The following RIT2 variants were observed in gnomAD, a reference collection of about 807,000 sequenced individuals.
RIT2 encodes GTP-binding protein Rit2.
In RIT2, 24 loss-of-function variants were observed where a neutral mutation model predicts 23.7. The ratio of observed to expected loss-of-function variants is 1.01; its 90% CI spans 0.73 to 1.43. The LOEUF is 1.43. Among genes scored for constraint, RIT2 ranks in the 40% most tolerant of loss-of-function variants. The probability of loss-of-function intolerance (pLI) is 0.00; values close to 1 mark genes in which losing one functional copy is unlikely to be tolerated. For synonymous variants in RIT2, 107 were observed against 91.1 expected, an observed-to-expected ratio of 1.17 and a Z score of -0.99; for missense variants, 236 against 266.9, an observed-to-expected ratio of 0.88 and a Z score of 0.81.
intron 4 of RIT2, among the ~76,000 whole-genome samples, chr18:42,814,800 C>G (rs193143541): frequency 1.3e-5 from 2 of 152,122 alleles, no homozygotes; most frequent in South Asian, 4.1e-4. Context: ...AGCTAAGAAC[C>G]CTTACAGAGT....
At chr18:42,780,507 G>A (rs927629797) in intron 4 of RIT2, among the ~76,000 whole-genome samples, 2 of 152,070 alleles carry the variant, frequency 1.3e-5, no homozygotes, top group African/African-American at 4.8e-5. Flanking sequence ...GTAAGAGAAG[G>A]AGATTCTCTA....
At chr18:42,891,118 A>C (rs1002102249) in intron 4 of RIT2, among the ~76,000 whole-genome samples, 1 of 152,290 alleles carries the variant, frequency 6.6e-6, no homozygotes, top group African/African-American at 2.4e-5. Context: ...CTGTTTGTTG[A>C]AATCCAGAAT....
intron 4 of RIT2, among the ~76,000 whole-genome samples, chr18:42,849,288 C>T (rs961494464): frequency 3.3e-5 from 5 of 152,164 alleles, no homozygotes; most frequent in African/African-American, 9.7e-5. Context: ...TATTATATAC[C>T]ACCTAAATCT....
chr18:42,802,064 A>G (rs1905554275), intron 4 of RIT2, among the ~76,000 whole-genome samples: 1 of 152,238 alleles, frequency 6.6e-6, no homozygotes, highest in Admixed American at 6.5e-5. Context: ...CATGAAAACA[A>G]TGCAAGAAAC....
chr18:42,810,498 G>T (rs891461690), intron 4 of RIT2, among the ~76,000 whole-genome samples: 2 of 150,598 alleles, frequency 1.3e-5, no homozygotes, highest in Non-Finnish European at 3.0e-5. Flanking sequence ...CCTAATTAAC[G>T]TAATCAGCAC....
chr18:43,013,276 A>AT (rs533000566), intron 2 of RIT2, among the ~76,000 whole-genome samples: 19 of 151,754 alleles, frequency 1.3e-4, no homozygotes, highest in African/African-American at 3.4e-4. Context: ...ACAATGGTTT[A>AT]TTTTTTTTAA....
chr18:43,017,343 G>A (rs1023204473), intron 2 of RIT2, among the ~76,000 whole-genome samples: 2 of 150,796 alleles, frequency 1.3e-5, no homozygotes, highest in Non-Finnish European at 1.5e-5. Flanking sequence ...TTACATAATT[G>A]GCTTATTAGG....
intron 2 of RIT2, among the ~76,000 whole-genome samples, chr18:43,011,098 A>G (rs1324240333): frequency 6.6e-6 from 1 of 151,904 alleles, no homozygotes; most frequent in Non-Finnish European, 1.5e-5. Context: ...AAAACATTTC[A>G]GAGGATATCC....
At chr18:42,782,427 T>C (rs946249676) in intron 4 of RIT2, among the ~76,000 whole-genome samples, 1 of 152,088 alleles carries the variant, frequency 6.6e-6, no homozygotes, top group Non-Finnish European at 1.5e-5. Flanking sequence ...TCTTATAAGG[T>C]ATTTATAATA....
intron 4 of RIT2, among the ~76,000 whole-genome samples, chr18:42,876,437 G>C (rs1598695017): frequency 6.6e-6 from 1 of 151,054 alleles, no homozygotes; most frequent in Admixed American, 6.6e-5. Context: ...TAGAAAAGGA[G>C]TATCTAAGAT....
intron 1 of RIT2, among the ~76,000 whole-genome samples, chr18:43,043,314 CTT>C (rs1912171853): frequency 6.6e-6 from 1 of 152,274 alleles, no homozygotes; most frequent in Admixed American, 6.5e-5. Flanking sequence ...AAGCCAGACT[CTT>C]TCCATTGTGC....
intron 4 of RIT2, among the ~76,000 whole-genome samples, chr18:42,907,518 C>T (rs892836337): frequency 6.6e-6 from 1 of 151,978 alleles, no homozygotes; most frequent in South Asian, 2.1e-4. Context: ...CAACTTCCTG[C>T]CAAAACAGAA....
chr18:43,002,838 T>C (rs1310242859), intron 2 of RIT2, among the ~76,000 whole-genome samples: 1 of 151,956 alleles, frequency 6.6e-6, no homozygotes, highest in Non-Finnish European at 1.5e-5. Context: ...TTAATGTTGT[T>C]AATCAGCTGA....
At chr18:42,787,608 G>C (rs934645078) in intron 4 of RIT2, among the ~76,000 whole-genome samples, 1 of 152,220 alleles carries the variant, frequency 6.6e-6, no homozygotes, top group Middle Eastern at 3.4e-3. Flanking sequence ...TTTGTGATAA[G>C]TTCTTTGATA....
At chr18:42,890,544 GAAGTT>G (rs1481527450) in intron 4 of RIT2, among the ~76,000 whole-genome samples, 11 of 151,552 alleles carry the variant, frequency 7.3e-5, no homozygotes, top group Non-Finnish European at 1.5e-4. Context: ...TGAAAGGAAG[GAAGTT>G]AAGATGGAAA....
chr18:43,013,711 T>C (rs980068241), intron 2 of RIT2, among the ~76,000 whole-genome samples: 2 of 151,774 alleles, frequency 1.3e-5, no homozygotes, highest in Non-Finnish European at 2.9e-5. Context: ...ATCTGTATGA[T>C]GCATTAACTC....
chr18:43,073,182 C>A (rs1352080529), intron 1 of RIT2, among the ~76,000 whole-genome samples: 1 of 152,194 alleles, frequency 6.6e-6, no homozygotes, highest in Non-Finnish European at 1.5e-5. Flanking sequence ...CATCCCCCAA[C>A]TTCTTAGTCA....
At chr18:43,064,407 T>C (rs975549873) in intron 1 of RIT2, among the ~76,000 whole-genome samples, 3 of 152,160 alleles carry the variant, frequency 2.0e-5, no homozygotes, top group Non-Finnish European at 4.4e-5. Context: ...CTCTAAGTAA[T>C]GTACATTTTG....
chr18:42,986,965 C>A (rs1194713143), intron 2 of RIT2, among the ~76,000 whole-genome samples: 1 of 152,202 alleles, frequency 6.6e-6, no homozygotes, highest in South Asian at 2.1e-4. Context: ...CTAACAACAT[C>A]AAATAATGGA....
Sources: allele counts gnomAD v4.1 joint callset (sites outside exome capture counted in the v4.1 genomes callset), GRCh38; gene constraint gnomAD v4.1.1; transcripts MANE v1.5; gene names NCBI Gene and HGNC (gene_info 2026-07-23, HGNC 2026-07-21).